SGCD: variants seen among roughly 807,000 people sequenced by gnomAD.
SGCD encodes the protein delta-sarcoglycan.
A neutral mutation model predicts 36.6 loss-of-function variants in SGCD; 18 were observed. That is an observed-to-expected ratio of 0.49 (90% CI 0.34 to 0.73). The LOEUF is 0.73. SGCD is among the 30% of genes least tolerant of loss of function. The pLI is 0.01. For synonymous variants in SGCD, 133 were observed against 130.6 expected (o/e 1.02, Z -0.12); for missense variants, 387 against 346.7 (o/e 1.12, Z -0.92).
At position 156,576,769 on chromosome 5, in the gene SGCD, G is replaced by GT. The variant is rs1235837543; in HGVS notation, c.295-12453dup. Among the ~76,000 whole-genome samples, 1,500 of 150,968 alleles carry GT rather than the reference G, an allele frequency of 9.9e-3. 17 individuals carry two copies. The highest frequency in any genetic ancestry group is 0.034 in the African/African-American group (1,419 of 41,208). On this transcript the variant is annotated intron_variant, in intron 4 of 8. Transcript: ENST00000337851. ...TATCCTTTGCCCACTTTTTGATGGG[G>GT]TTTTTTTTTCTTGTAAATGTAAGTT...
At chr5:156,339,833 AGAT>A (rs1173623615) in intron 2 of SGCD, among the ~76,000 whole-genome samples, 1 of 152,218 alleles carries the variant, frequency 6.6e-6, no homozygotes, top group Non-Finnish European at 1.5e-5. Context: ...AATTTTTAAA[AGAT>A]GACATCACAA....
At chr5:156,742,475 C>A (rs1756731936) in intron 7 of SGCD, among the ~76,000 whole-genome samples, 1 of 149,600 alleles carries the variant, frequency 6.7e-6, no homozygotes, top group African/African-American at 2.4e-5. Flanking sequence ...AGCCTTGGTC[C>A]AGTCCATCAC....
chr5:156,031,596 A>T (rs935092074), intron 1 of SGCD, among the ~76,000 whole-genome samples: 17 of 152,174 alleles, frequency 1.1e-4, no homozygotes, highest in African/African-American at 4.1e-4. Context: ...CCTGAGGATA[A>T]TGTCCATATT....
the SGCD span, among the ~76,000 whole-genome samples, chr5:155,753,953 C>T: frequency 6.6e-6 from 1 of 152,116 alleles, no homozygotes; most frequent in Non-Finnish European, 1.5e-5. Context: ...ACATCCACCA[C>T]TTTGCCATAG....
chr5:156,358,520 A>G (rs1374348210), intron 3 of SGCD, among the ~76,000 whole-genome samples: 1 of 152,220 alleles, frequency 6.6e-6, no homozygotes, highest in Non-Finnish European at 1.5e-5. Flanking sequence ...TATTCAACAC[A>G]TGCTTGTTGA....
chr5:156,373,756 A>G (rs1770514417), intron 3 of SGCD, among the ~76,000 whole-genome samples: 1 of 152,258 alleles, frequency 6.6e-6, no homozygotes, highest in Non-Finnish European at 1.5e-5. Context: ...CCATTTAAAC[A>G]GTAAAATGAG....
At chr5:156,696,902 C>G (rs1173890238) in intron 7 of SGCD, among the ~76,000 whole-genome samples, 5 of 147,512 alleles carry the variant, frequency 3.4e-5, no homozygotes, top group Non-Finnish European at 7.4e-5. Context: ...CTCTCCCCAT[C>G]ATCCTTACAC....
chr5:155,946,768 T>C (rs1344478240), intron 1 of SGCD, among the ~76,000 whole-genome samples: 2 of 152,194 alleles, frequency 1.3e-5, no homozygotes, highest in African/African-American at 2.4e-5. Flanking sequence ...CCAAACCAGC[T>C]GGATCACTGA....
At chr5:155,835,002 A>ATTTTTTTTTTTTTTTTTTTTTTTTTTTT in the SGCD span, among the ~76,000 whole-genome samples, 1 of 60,178 alleles carries the variant, frequency 1.7e-5, no homozygotes, top group African/African-American at 5.8e-5. Context: ...TGCCCAGCTA[A>ATTTTTTTTTTTTTTTTTTTTTTTTTTTT]TTTTTTTTTT....
At chr5:156,134,799 C>T (rs1762416427) in intron 3 of SGCD, among the ~76,000 whole-genome samples, 2 of 151,994 alleles carry the variant, frequency 1.3e-5, no homozygotes, top group South Asian at 2.1e-4. Context: ...ACATATGTAG[C>T]AAACCTGCAC....
At chr5:156,159,953 G>A (rs1358658895) in intron 3 of SGCD, among the ~76,000 whole-genome samples, 1 of 151,480 alleles carries the variant, frequency 6.6e-6, no homozygotes, top group East Asian at 1.9e-4. Flanking sequence ...TTTTTCTTAA[G>A]TCCCATGGAA....
At chr5:155,936,191 AGG>A (rs1169937737) in intron 1 of SGCD, among the ~76,000 whole-genome samples, 2 of 152,172 alleles carry the variant, frequency 1.3e-5, no homozygotes, top group Non-Finnish European at 2.9e-5. Context: ...GTGGCGAGAA[AGG>A]GGTGCGTTTC....
intron 7 of SGCD, among the ~76,000 whole-genome samples, chr5:156,705,574 A>G (rs559978744): frequency 1.3e-5 from 2 of 152,184 alleles, no homozygotes; most frequent in African/African-American, 2.4e-5. Flanking sequence ...AAGATACTAT[A>G]TCATCTTAAA....
rs376268119 is a variant in SGCD, at chr5:156,281,072, G to A, written c.-43-48462G>A. 2.3e-3 allele frequency among the ~76,000 whole-genome samples: 355 copies of A among 152,222 alleles called. 1 individual carries two copies. Among genetic ancestry groups the A allele is most frequent in the African/African-American group, 8.3e-3 (344 of 41,526 alleles). On this transcript the variant is annotated intron_variant, in intron 3 of 9. Transcript: ENST00000517913. ...CATTAATTGTGTACATACAGAATTC[G>A]AGGGACTATCTAAGTGATGTTTATA...
chr5:156,089,726 G>T (rs1057229418), intron 1 of SGCD, among the ~76,000 whole-genome samples: 1 of 152,188 alleles, frequency 6.6e-6, no homozygotes, highest in Non-Finnish European at 1.5e-5. Flanking sequence ...TAAGTTTTGG[G>T]ATTATTCTTA....
At chr5:156,688,779 A>G (rs1754002975) in intron 7 of SGCD, among the ~76,000 whole-genome samples, 1 of 152,226 alleles carries the variant, frequency 6.6e-6, no homozygotes, top group Non-Finnish European at 1.5e-5. Flanking sequence ...AAAATCCCCA[A>G]AGGAAATCTG....
At chr5:156,318,288 T>C (rs2127694902) in intron 3 of SGCD, among the ~76,000 whole-genome samples, 1 of 152,318 alleles carries the variant, frequency 6.6e-6, no homozygotes, top group South Asian at 2.1e-4. Flanking sequence ...TTAATGCATT[T>C]AAACTCAGAA....
At chr5:156,443,304 G>C (rs1237352692) in intron 3 of SGCD, among the ~76,000 whole-genome samples, 1 of 152,032 alleles carries the variant, frequency 6.6e-6, no homozygotes, top group Non-Finnish European at 1.5e-5. Flanking sequence ...CTTATTGACT[G>C]TTTCCTTTTA....
chr5:156,371,584 G>A (rs577740800), intron 3 of SGCD, among the ~76,000 whole-genome samples: 1 of 152,292 alleles, frequency 6.6e-6, no homozygotes, highest in East Asian at 1.9e-4. Flanking sequence ...CCATCAGAGA[G>A]GTGAGAAGTA....
Sources: allele counts gnomAD v4.1 joint callset (sites outside exome capture counted in the v4.1 genomes callset), GRCh38; gene constraint gnomAD v4.1.1; transcripts MANE v1.5; gene names NCBI Gene and HGNC (gene_info 2026-07-23, HGNC 2026-07-21).